TP73: variants seen among roughly 807,000 people sequenced by gnomAD.
TP73 encodes the protein p53-like transcription factor.
TP73 carries 25 observed loss-of-function variants against 62.5 expected under a neutral mutation model. That is an observed-to-expected ratio of 0.40 (90% CI 0.29 to 0.56). The LOEUF (loss-of-function observed/expected upper bound fraction) is 0.56. TP73 is among the 20% of genes least tolerant of loss of function. The pLI is 0.46. For synonymous variants in TP73, 423 were observed against 377.5 expected, an observed-to-expected ratio of 1.12 and a Z score of -1.40; for missense variants, 754 against 913.3, an observed-to-expected ratio of 0.83 and a Z score of 2.25.
intron 5 of TP73, 137 bp from the exon 6 acceptor site, chr1:3,723,217 G>A (rs928070638): frequency 4.1e-5 from 27 of 665,428 alleles, no homozygotes; most frequent in Admixed American, 2.6e-4. Flanking sequence ...AACCTGGCAC[G>A]GGGCTGGGTA....
chr1:3,728,276 A>G (rs1570638456), intron 9 of TP73, 59 bp downstream of exon 9: 1 of 1,563,396 alleles, frequency 6.4e-7, no homozygotes, highest in African/African-American at 1.3e-5. Context: ...TCGTCTGCTG[A>G]GCCCAGGCTG....
chr1:3,667,100 A>T (rs754794981), intron 1 of TP73, among the ~76,000 whole-genome samples: 18 of 152,164 alleles, frequency 1.2e-4, no homozygotes, highest in Non-Finnish European at 2.2e-4. Context: ...GAGATGGAGG[A>T]AAGTGTCACA....
intron 1 of TP73, among the ~76,000 whole-genome samples, chr1:3,675,376 G>A (rs114956483): frequency 2.0e-5 from 3 of 152,094 alleles, no homozygotes; most frequent in Admixed American, 6.5e-5. Context: ...GATTGGAATC[G>A]TTGATCTGCT....
rs56271782 is a variant in TP73 at position 3,705,997 on chromosome 1, C to A, written c.187-1552C>A. Among the ~76,000 whole-genome samples the A allele has an allele frequency of 7.9e-5, 12 of 152,288 alleles. 1 individual carries two copies. The highest frequency in any genetic ancestry group is 1.3e-4 in the Non-Finnish European group (9 of 68,028). On this transcript the variant is annotated intron_variant, in intron 3 of 13. Transcript: ENST00000378295. ...GGCGAGGCCCCTGCACCCTCCTGTG[C>A]GGGCAGTGCACGTTTTGTTTTTTGG...
At position 3,679,523 on chromosome 1, in the gene TP73, C is replaced by T. The variant is rs543242203; in HGVS notation, c.-33-2810C>T. 2.6e-5 allele frequency among the ~76,000 whole-genome samples: 4 copies of T among 151,000 alleles called. No homozygotes were observed. In the South Asian group the frequency reaches 8.3e-4, roughly 31 times the overall value. On this transcript the variant is annotated intron_variant, in intron 1 of 13. Transcript: ENST00000378295. ...TCTCCCTGTCTCTCTGTCTCTGTCT[C>T]TCTCCATCTCTCTGTCTCTCTTTGT...
chr1:3,727,463 C>T (rs1280594486), intron 7 of TP73, 165 bp from the exon 8 acceptor site: 2 of 1,092,064 alleles, frequency 1.8e-6, no homozygotes, highest in Non-Finnish European at 2.6e-6. Flanking sequence ...CAGCTTTGAG[C>T]CTCTGACTCC....
At chr1:3,668,514 A>ATG (rs1557490398) in intron 1 of TP73, 1 of 68,758 alleles carries the variant, frequency 1.5e-5, no homozygotes, top group African/African-American at 6.9e-5. Flanking sequence ...AACTTGCTGC[A>ATG]CGTGTGTGTG....
At chr1:3,726,227 G>C (rs1447885569) in intron 6 of TP73, among the ~76,000 whole-genome samples, 1 of 135,416 alleles carries the variant, frequency 7.4e-6, no homozygotes, top group Non-Finnish European at 1.6e-5. Context: ...GTGGGTGGAT[G>C]GATGGATGGA....
At chr1:3,708,151 A>C (rs1010792423) in intron 4 of TP73, 1 of 325,064 alleles carries the variant, frequency 3.1e-6, no homozygotes, top group Admixed American at 4.3e-5. Context: ...CTCTGCTGCC[A>C]AGAGTTGTCT....
In TP73 at chr1:3,732,783, A is replaced by T; in HGVS notation, c.1615A>T (p.Met539Leu). Reference sequence around the variant, plus strand: ...CCTGAAGATCCCCGAGCAGTACCGCATGACCATCTGGCGGGGCCTGCAGGA... The same window carrying T: ...CCTGAAGATCCCCGAGCAGTACCGCTTGACCATCTGGCGGGGCCTGCAGGA... ...GALKIPEQYR[M>L]TIWRGLQDLK... Residue 539 changes from methionine to leucine, a missense_variant, in exon 14 of 14, where the codon ATG becomes TTG. Around this residue, in one of 3 missense-constraint regions of TP73, gnomAD observed 458 missense variants for 528.7 expected, o/e 0.87. Transcript: ENST00000378295. 1.2e-6 allele frequency: 2 copies of T among 1,601,672 alleles called. No individual in the cohort carries two copies. The highest frequency in any genetic ancestry group is 1.7e-6 in the Non-Finnish European group (2 of 1,172,216).
Position 3,718,315 on chromosome 1 carries a change from C to A in TP73, c.430-3706C>A, listed in dbSNP as rs571654595. On this transcript the variant is annotated intron_variant, in intron 4 of 13. Coordinates refer to ENST00000378295, the MANE Select transcript of TP73 (RefSeq NM_005427.4). ...GACAGTGCAGAGACGGGAGCACGCA[C>A]TGGGCCCTGCACCCACTTCGTAGCG... Among the ~76,000 whole-genome samples, 6 of 152,366 alleles carry A rather than the reference C, an allele frequency of 3.9e-5. No homozygotes were observed. The South Asian group carries it at 1.2e-3, about 32-fold the overall frequency.
At chr1:3,690,746 G>A in intron 3 of TP73, 5 of 1,451,712 alleles carry the variant, frequency 3.4e-6, no homozygotes, top group Non-Finnish European at 4.5e-6. Context: ...ATGTTCCCCA[G>A]CATCCTCGGC....
chr1:3,694,366 G>C (rs377182260), intron 3 of TP73, among the ~76,000 whole-genome samples: 2 of 9,444 alleles, frequency 2.1e-4, no homozygotes, highest in African/African-American at 2.4e-4. Context: ...CGCAATCCCA[G>C]CCATGCAGCC....
chr1:3,731,069 C>T lies in TP73; in HGVS notation c.1484+4C>T, dbSNP rs371963389. The T allele has an allele frequency of 1.8e-5, 29 of 1,609,214 alleles. No individual in the cohort carries two copies. The highest frequency in any genetic ancestry group is 2.2e-5 in the South Asian group (2 of 90,818). ...ACGCCGACCCCAGCCTCGTCAGGTGCGTGGGCTGCCGAGGGCCTGAGCATG... is the reference window on the plus strand; with the variant it reads ...ACGCCGACCCCAGCCTCGTCAGGTGTGTGGGCTGCCGAGGGCCTGAGCATG... On this transcript the variant is annotated splice_donor_region_variant and intron_variant, in intron 12 of 13. Transcript: ENST00000378295.
In TP73 at chr1:3,672,932, G is replaced by A. The variant is rs930184711; in HGVS notation, c.-33-9401G>A. On this transcript the variant is annotated intron_variant, in intron 1 of 13. Coordinates refer to ENST00000378295, the MANE Select transcript of TP73 (RefSeq NM_005427.4). The surrounding 1 kb of genome is among the most constrained non-coding windows in gnomAD (Gnocchi z 5.3). The stretch of plus-strand genomic sequence containing the variant: ...TGACCCGCTTACCCCCAGGAGCACC[G>A]CCCACTCCAAGGCGCAAGCAAGCTG... 3.3e-5 allele frequency among the ~76,000 whole-genome samples: 5 copies of A among 151,920 alleles called. No individual in the cohort carries two copies. The highest frequency in any genetic ancestry group is 4.8e-5 in the African/African-American group (2 of 41,342).
intron 5 of TP73, among the ~76,000 whole-genome samples, chr1:3,722,413 A>T (rs1281915772): frequency 6.6e-6 from 1 of 152,216 alleles, no homozygotes; most frequent in Non-Finnish European, 1.5e-5. Context: ...GGGCAGGGGC[A>T]AGTGGTCTGG....
chr1:3,697,666 G>T (rs1041560622), intron 3 of TP73, among the ~76,000 whole-genome samples: 2 of 152,240 alleles, frequency 1.3e-5, no homozygotes, highest in Admixed American at 6.5e-5. Context: ...AGGGTGCTAG[G>T]ATGTCAAGCC....
intron 9 of TP73, 28 bp downstream of exon 9, chr1:3,728,245 G>A (rs370868662): frequency 1.3e-4 from 211 of 1,602,818 alleles, no homozygotes; most frequent in African/African-American, 8.7e-4. Context: ...CACGGCAGCC[G>A]GGAGACCTGC....
At chr1:3,729,298 T>C (rs1413480527) in intron 9 of TP73, 29 bp from the exon 10 acceptor site, 1 of 1,612,538 alleles carries the variant, frequency 6.2e-7, no homozygotes, top group South Asian at 1.1e-5. Flanking sequence ...CTGGGGCACG[T>C]GGGCAGAGAT....
Sources: gnomAD v4.1 joint callset for allele counts (sites outside exome capture counted in the v4.1 genomes callset) on GRCh38, gnomAD v4.1.1 for gene constraint, gnomAD v4.1.1 regional missense constraint, Gnocchi (gnomAD v3.1) non-coding constraint, MANE v1.5 for transcripts, NCBI Gene and HGNC (gene_info 2026-07-23, HGNC 2026-07-21) for gene names.